The following MTHFD2L variants were observed in gnomAD, a reference collection of about 807,000 sequenced individuals.
The protein encoded by MTHFD2L is bifunctional methylenetetrahydrofolate dehydrogenase/cyclohydrolase 2, mitochondrial.
Under a neutral mutation model 34.9 loss-of-function variants are expected in MTHFD2L, and 29 were observed. The ratio of observed to expected loss-of-function variants is 0.83; its 90% confidence interval spans 0.62 to 1.13. The LOEUF is 1.13. Ranked by LOEUF, MTHFD2L falls within the 50% of genes most tolerant of loss-of-function variation. The pLI is 0.00. For synonymous variants in MTHFD2L, 167 were observed against 155.7 expected (o/e 1.07, Z -0.54); for missense variants, 481 against 446.5 (o/e 1.08, Z -0.70).
chr4:74,211,511 G>A (rs1157757869), intron 5 of MTHFD2L, among the ~76,000 whole-genome samples: 9 of 152,188 alleles, frequency 5.9e-5, no homozygotes, highest in Admixed American at 4.6e-4. Context: ...TATTGAACCA[G>A]CCTTGCATCC....
chr4:74,263,803 C>T (rs919364668), intron 6 of MTHFD2L, among the ~76,000 whole-genome samples: 1 of 151,742 alleles, frequency 6.6e-6, no homozygotes, highest in Non-Finnish European at 1.5e-5. Context: ...TATTTAGATG[C>T]CTTTATTTCT....
rs10585551 is a variant in MTHFD2L at position 74,291,003 on chromosome 4, CTTTTTTTTTTTTTTT to C, written c.931+9471_931+9485del. ...CTGTCTTACATTTATTTTTCCTTTTCTTTTTTTTTTTTTTTTTTTTTTTTTTTTTTTTGAGATGGA... is the reference window on the plus strand; with the variant it reads ...CTGTCTTACATTTATTTTTCCTTTTCTTTTTTTTTTTTTTTTTGAGATGGA... On this transcript the variant is annotated intron_variant, in intron 7 of 7. Coordinates refer to ENST00000325278, the MANE Select transcript of MTHFD2L (RefSeq NM_001144978.3). 1.2e-3 allele frequency among the ~76,000 whole-genome samples: 36 copies of C among 29,280 alleles called. 1 individual carries two copies. The highest frequency in any genetic ancestry group is 9.6e-3 in the East Asian group (7 of 730). 19.2% of individuals were successfully genotyped at this position (29,280 alleles called of 152,430 possible).
chr4:74,118,905 G>A (rs1478310465), upstream of MTHFD2L, among the ~76,000 whole-genome samples: 4 of 152,188 alleles, frequency 2.6e-5, no homozygotes, highest in South Asian at 8.3e-4. Flanking sequence ...CGCATGAGAG[G>A]GATCTAGATT....
chr4:74,127,998 G>C (rs1390577079), intron 1 of MTHFD2L, among the ~76,000 whole-genome samples: 3 of 152,080 alleles, frequency 2.0e-5, no homozygotes, highest in Non-Finnish European at 4.4e-5. Flanking sequence ...CTGGTGACTA[G>C]TGATGTTGAG....
At chr4:74,292,837 A>T (rs1278531635) in intron 7 of MTHFD2L, among the ~76,000 whole-genome samples, 1 of 151,922 alleles carries the variant, frequency 6.6e-6, no homozygotes, top group Admixed American at 6.6e-5. Flanking sequence ...TTTAGTAGAA[A>T]TATCTTTTTT....
chr4:74,191,510 A>G (rs1732508160), intron 3 of MTHFD2L, among the ~76,000 whole-genome samples: 1 of 152,008 alleles, frequency 6.6e-6, no homozygotes. Flanking sequence ...GATTTTTAAC[A>G]TAAGCCACCT....
chr4:74,127,723 A>G (rs949597632), intron 1 of MTHFD2L, among the ~76,000 whole-genome samples: 3 of 152,086 alleles, frequency 2.0e-5, no homozygotes, highest in Admixed American at 2.0e-4. Context: ...GATTGCAGAT[A>G]CCTCTTTGAT....
chr4:74,211,292 C>T (rs572124229), intron 5 of MTHFD2L, among the ~76,000 whole-genome samples: 2 of 152,106 alleles, frequency 1.3e-5, no homozygotes, highest in Non-Finnish European at 2.9e-5. Flanking sequence ...CCAGCTTTTG[C>T]CCAATCACTA....
chr4:74,198,506 C>A (rs1733865474), intron 3 of MTHFD2L, among the ~76,000 whole-genome samples: 1 of 152,000 alleles, frequency 6.6e-6, no homozygotes, highest in South Asian at 2.1e-4. Context: ...ATCTATAAAG[C>A]TTTTCATTTC....
intron 3 of MTHFD2L, 50 bp downstream of exon 3, chr4:74,175,453 G>A (rs748764202): frequency 1.3e-6 from 2 of 1,556,368 alleles, no homozygotes; most frequent in Non-Finnish European, 8.7e-7. Flanking sequence ...GTGAAACAAA[G>A]GGCATCTTTC....
At chr4:74,153,595 A>G (rs1397374781), upstream of MTHFD2L, among the ~76,000 whole-genome samples, 1 of 152,212 alleles carries the variant, frequency 6.6e-6, no homozygotes, top group Non-Finnish European at 1.5e-5. Context: ...CAGGGAAAAT[A>G]TATCAGCTTT....
At chr4:74,258,932 A>G (rs2110217124) in intron 6 of MTHFD2L, among the ~76,000 whole-genome samples, 1 of 152,352 alleles carries the variant, frequency 6.6e-6, no homozygotes, top group African/African-American at 2.4e-5. Flanking sequence ...TAACTTGTGA[A>G]AAATATTTTA....
intron 6 of MTHFD2L, among the ~76,000 whole-genome samples, chr4:74,232,396 T>G (rs994820028): frequency 6.6e-6 from 1 of 152,034 alleles, no homozygotes; most frequent in Non-Finnish European, 1.5e-5. Context: ...TGAAAGGGAT[T>G]TTTTTCTCTC....
intron 3 of MTHFD2L, among the ~76,000 whole-genome samples, chr4:74,190,259 G>T (rs1376883864): frequency 6.6e-6 from 1 of 152,088 alleles, no homozygotes; most frequent in Admixed American, 6.5e-5. Context: ...ATAAACCAAG[G>T]TGTCCTTAAC....
intron 5 of MTHFD2L, among the ~76,000 whole-genome samples, chr4:74,217,442 G>A (rs922685331): frequency 6.6e-6 from 1 of 151,712 alleles, no homozygotes; most frequent in African/African-American, 2.4e-5. Flanking sequence ...GAGATCTCAG[G>A]CTTCTTTTTT....
upstream of MTHFD2L, among the ~76,000 whole-genome samples, chr4:74,153,725 A>G (rs1226246147): frequency 6.6e-6 from 1 of 152,212 alleles, no homozygotes; most frequent in Non-Finnish European, 1.5e-5. Context: ...ATTCTAATAT[A>G]TACCTACCCT....
intron 1 of MTHFD2L, among the ~76,000 whole-genome samples, chr4:74,151,661 T>A (rs1012354143): frequency 6.6e-6 from 1 of 152,190 alleles, no homozygotes. Context: ...GGGAAACATA[T>A]GCTGTTATTA....
Position 74,284,278 on chromosome 4 carries a change from A to G in MTHFD2L, c.931+2728A>G, listed in dbSNP as rs904152288. Among the ~76,000 whole-genome samples the G allele has an allele frequency of 8.5e-5, 13 of 152,188 alleles. 1 individual carries two copies. On this transcript the variant is annotated intron_variant, in intron 7 of 7. Coordinates refer to ENST00000325278, the MANE Select transcript of MTHFD2L (RefSeq NM_001144978.3). ...GGAATCTGCAGTGATATTTCATGCC[A>G]TTGAAAGGGCAAAGGATAAAATGTT...
chr4:74,197,775 T>C (rs1413786240), intron 3 of MTHFD2L, among the ~76,000 whole-genome samples: 2 of 152,148 alleles, frequency 1.3e-5, no homozygotes, highest in Non-Finnish European at 2.9e-5. Flanking sequence ...AAAAGGAAAT[T>C]GATGTAAAGG....
Sources: allele counts gnomAD v4.1 joint callset (sites outside exome capture counted in the v4.1 genomes callset), GRCh38; gene constraint gnomAD v4.1.1; transcripts MANE v1.5; gene names NCBI Gene and HGNC (gene_info 2026-07-23, HGNC 2026-07-21).